The following ST6GALNAC6 variants were observed in gnomAD, a reference collection of about 807,000 sequenced individuals.
ST6GALNAC6 encodes alpha-N-acetylgalactosaminide alpha-2,6-sialyltransferase 6.
In ST6GALNAC6, 19 loss-of-function variants were observed where a neutral mutation model predicts 34.3. The observed-to-expected ratio is 0.55, with a 90% CI of 0.39 to 0.81. The LOEUF (loss-of-function observed/expected upper bound fraction) is 0.81. Among genes scored for constraint, ST6GALNAC6 ranks in the 40% least tolerant of loss-of-function variants. ST6GALNAC6 has a pLI of 0.00. For missense variants in ST6GALNAC6, 377 were observed against 467.7 expected (o/e 0.81, Z 1.79); for synonymous variants, 185 against 182.1 (o/e 1.02, Z -0.13).
intron 4 of ST6GALNAC6, 57 bp downstream of exon 4, chr9:127,894,455 T>C: frequency 6.3e-7 from 1 of 1,586,266 alleles, no homozygotes; most frequent in Non-Finnish European, 8.6e-7. Flanking sequence ...AAAGAACAGG[T>C]GGAGGGAGTG....
intron 6 of ST6GALNAC6, 73 bp downstream of exon 6, chr9:127,887,411 C>T: frequency 1.3e-5 from 17 of 1,324,226 alleles, no homozygotes; most frequent in Non-Finnish European, 1.8e-5. Flanking sequence ...CCAAGGTTTC[C>T]AGCCCCTAGA....
chr9:127,897,151 C>G (rs2131563255), intron 2 of ST6GALNAC6: 1 of 984,250 alleles, frequency 1.0e-6, no homozygotes, highest in Non-Finnish European at 1.2e-6. Flanking sequence ...CCGCACACCC[C>G]AATCTCTTCC....
At chr9:127,897,917 A>AT (rs1564492797) in intron 2 of ST6GALNAC6, 39 bp downstream of exon 2, 1 of 1,613,410 alleles carries the variant, frequency 6.2e-7, no homozygotes, top group Admixed American at 1.7e-5. Context: ...TCAGTACAGC[A>AT]TGTCAGCTGC....
At chr9:127,900,930 G>A (rs1254250540), upstream of ST6GALNAC6, among the ~76,000 whole-genome samples, 2 of 145,294 alleles carry the variant, frequency 1.4e-5, no homozygotes, top group East Asian at 4.2e-4. Flanking sequence ...ATTGCAGTGA[G>A]CCGAGATCAT....
upstream of ST6GALNAC6, among the ~76,000 whole-genome samples, chr9:127,902,838 CT>C (rs1242452257): frequency 6.9e-6 from 1 of 145,586 alleles, no homozygotes; most frequent in Non-Finnish European, 1.5e-5. Context: ...TCCACCCCCC[CT>C]TGGCCTCCCA....
chr9:127,897,529 C>A lies in ST6GALNAC6; in HGVS notation c.26+427G>T, dbSNP rs546397402. 3.1e-4 allele frequency: 236 copies of A among 771,014 alleles called. 1 individual carries two copies. In the African/African-American group the frequency reaches 4.4e-3, roughly 14 times the overall value. 47.8% of individuals were successfully genotyped at this position (771,014 alleles called of 1,614,324 possible). ...GTGGGAGCGCCCCTCATCCGGAGCT[C>A]GGCTTCGGGTTTCTCCAGCGGCTGC... On this transcript the variant is annotated intron_variant, in intron 2 of 6. Coordinates refer to ENST00000373146, the MANE Select transcript of ST6GALNAC6 (RefSeq NM_013443.5).
intron 3 of ST6GALNAC6, among the ~76,000 whole-genome samples, 156 bp from the exon 4 acceptor site, chr9:127,894,847 C>A (rs879741514): frequency 1.1e-4 from 17 of 152,094 alleles, no homozygotes; most frequent in Non-Finnish European, 2.1e-4. Flanking sequence ...CCACCTCAGT[C>A]CCCCCATCAC....
intron 5 of ST6GALNAC6, among the ~76,000 whole-genome samples, chr9:127,887,897 T>G (rs140421744): frequency 1.1e-3 from 174 of 152,316 alleles, no homozygotes; most frequent in African/African-American, 3.8e-3. Flanking sequence ...TGACTATGAT[T>G]GCAGAGCATG....
rs940686569 is a variant in ST6GALNAC6, at chr9:127,890,351, G to A, written c.704+286C>T. ...TCTCAGAAAGATGCTAGGACTGACT[G>A]TGCAACCTCAGAGCAGAGCATGCTG... On this transcript the variant is annotated intron_variant, in intron 5 of 6. Coordinates refer to ENST00000373146, the MANE Select transcript of ST6GALNAC6 (RefSeq NM_013443.5). This position sits in a 1 kb window ranked among gnomAD's most constrained non-coding sequence, Gnocchi z 4.3. Among the ~76,000 whole-genome samples, 4 of 152,188 alleles carry A rather than the reference G, an allele frequency of 2.6e-5. No individual in the cohort carries two copies. The highest frequency in any genetic ancestry group is 4.4e-5 in the Non-Finnish European group (3 of 68,024).
intron 1 of ST6GALNAC6, chr9:127,904,933 T>C (rs1830878716): frequency 6.6e-6 from 1 of 152,488 alleles, no homozygotes; most frequent in African/African-American, 2.4e-5. Flanking sequence ...TTTTGTTTCA[T>C]TTTGTTCCTT....
intron 4 of ST6GALNAC6, among the ~76,000 whole-genome samples, chr9:127,893,110 G>A (rs955943516): frequency 3.9e-5 from 6 of 152,194 alleles, no homozygotes; most frequent in African/African-American, 1.4e-4. Context: ...TCTCTGAGCT[G>A]AGATGTGAAG....
intron 1 of ST6GALNAC6, chr9:127,904,745 A>T (rs1373832970): frequency 6.6e-6 from 1 of 152,262 alleles, no homozygotes; most frequent in African/African-American, 2.4e-5. Flanking sequence ...GCCTGCACAC[A>T]GGGGCTGCTC....
intron 5 of ST6GALNAC6, among the ~76,000 whole-genome samples, chr9:127,889,346 C>CA (rs550479416): frequency 0.022 from 2,712 of 123,584 alleles, 110 homozygotes; most frequent in African/African-American, 0.076. Flanking sequence ...GACTCCCTCT[C>CA]AAAAAAAAAA....
chr9:127,898,609 C>A (rs1391672118), intron 1 of ST6GALNAC6, among the ~76,000 whole-genome samples: 1 of 152,230 alleles, frequency 6.6e-6, no homozygotes, highest in Non-Finnish European at 1.5e-5. Flanking sequence ...AAGCATCACC[C>A]ACGCACTGAA....
chr9:127,904,250 A>G (rs575319460), upstream of ST6GALNAC6: 32 of 152,150 alleles, frequency 2.1e-4, no homozygotes, highest in African/African-American at 7.2e-4. Context: ...CTGTTTAATA[A>G]CCACAGACAT....
chr9:127,890,283 G>A lies in ST6GALNAC6; in HGVS notation c.704+354C>T, dbSNP rs1362751851. Among the ~76,000 whole-genome samples the A allele has an allele frequency of 1.3e-5, 2 of 152,132 alleles. No homozygotes were observed. The highest frequency in any genetic ancestry group is 2.9e-5 in the Non-Finnish European group (2 of 68,016). ...TGTGTGCTTAAGGCAAGACATGCTGGGAACAGTCAAGACTTTACATTGGGT... is the reference window on the plus strand; with the variant it reads ...TGTGTGCTTAAGGCAAGACATGCTGAGAACAGTCAAGACTTTACATTGGGT... On this transcript the variant is annotated intron_variant, in intron 5 of 6. Coordinates refer to ENST00000373146, the MANE Select transcript of ST6GALNAC6 (RefSeq NM_013443.5). This position sits in a 1 kb window ranked among gnomAD's most constrained non-coding sequence, Gnocchi z 4.3.
At chr9:127,902,565 CATT>C (rs61633477), upstream of ST6GALNAC6, among the ~76,000 whole-genome samples, 1,767 of 147,096 alleles carry the variant, frequency 0.012, 34 homozygotes, top group African/African-American at 0.042. Flanking sequence ...ATAATGGTCA[CATT>C]ATTATTATTA....
chr9:127,893,637 C>T (rs555851631), intron 4 of ST6GALNAC6, among the ~76,000 whole-genome samples: 32 of 152,332 alleles, frequency 2.1e-4, no homozygotes, highest in African/African-American at 7.7e-4. Context: ...GCTGGAAGCA[C>T]TGCAAGCCAG....
In ST6GALNAC6 at chr9:127,890,024, C is replaced by T. The variant is rs1170108733; in HGVS notation, c.704+613G>A. Among the ~76,000 whole-genome samples the T allele has an allele frequency of 1.3e-5, 2 of 152,154 alleles. No individual in the cohort carries two copies. The highest frequency in any genetic ancestry group is 2.1e-4 in the South Asian group (1 of 4,826). On this transcript the variant is annotated intron_variant, in intron 5 of 6. Coordinates refer to ENST00000373146, the MANE Select transcript of ST6GALNAC6 (RefSeq NM_013443.5). The surrounding 1 kb of genome is among the most constrained non-coding windows in gnomAD (Gnocchi z 4.3). ...CTGGCTCACTGCAGCCTCAACCTCCCGGGCTCAAGTCATCCTCCTGCCTCA... is the reference window on the plus strand; with the variant it reads ...CTGGCTCACTGCAGCCTCAACCTCCTGGGCTCAAGTCATCCTCCTGCCTCA...
Sources: allele counts gnomAD v4.1 joint callset (sites outside exome capture counted in the v4.1 genomes callset), GRCh38; gene constraint gnomAD v4.1.1; non-coding constraint Gnocchi (gnomAD v3.1); transcripts MANE v1.5; gene names NCBI Gene and HGNC (gene_info 2026-07-23, HGNC 2026-07-21).